The following NEXMIF variants were observed in gnomAD, a reference collection of about 807,000 sequenced individuals.
NEXMIF encodes the protein neurite extension and migration factor, also known as XLMR protein related to neurite extension.
Under a neutral mutation model 62.1 loss-of-function variants are expected in NEXMIF, and 8 were observed. The observed-to-expected ratio is 0.13, with a 90% CI of 0.08 to 0.23. The LOEUF (loss-of-function observed/expected upper bound fraction) is 0.23, where lower values mean the gene tolerates loss of function less well. NEXMIF is among the 10% of genes least tolerant of loss of function. NEXMIF has a pLI of 1.00. For missense variants in NEXMIF, 976 were observed against 1,113.3 expected, an observed-to-expected ratio of 0.88 and a Z score of 1.75; for synonymous variants, 404 against 416.6, an observed-to-expected ratio of 0.97 and a Z score of 0.37.
chrX:74,764,808 TC>T (rs1409688855), intron 1 of NEXMIF, among the ~76,000 whole-genome samples: 1 of 111,659 alleles, frequency 9.0e-6, no homozygotes, highest in East Asian at 2.8e-4. Context: ...TGATTTTGGT[TC>T]TTTTGCCTTT....
intron 1 of NEXMIF, among the ~76,000 whole-genome samples, chrX:74,910,202 G>A (rs1345238148): frequency 1.8e-5 from 2 of 112,407 alleles, no homozygotes; most frequent in Non-Finnish European, 3.8e-5. Context: ...CTCAGTGCCA[G>A]CCTGTGAAAG....
chrX:74,742,415 C>T lies in NEXMIF; in HGVS notation c.2142G>A (p.Arg714=). The T allele has an allele frequency of 8.3e-7, 1 of 1,211,256 alleles. No individual in the cohort carries two copies. Among genetic ancestry groups the T allele is most frequent in the Non-Finnish European group, 1.1e-6 (1 of 895,390 alleles). The change falls in exon 3 of 4, where the codon AGG becomes AGA. Residue 714 remains arginine (R), a synonymous_variant. Transcript: ENST00000055682. ...AQDTEFKGPE[R]KVLNKIKFKS... is the part of the protein sequence containing the mutation. ...TAAATTTGATTTTATTGAGCACTTT[C>T]CTCTCTGGCCCCTTAAACTCTGTGT...
At chrX:74,799,800 A>T (rs1390009816) in intron 1 of NEXMIF, among the ~76,000 whole-genome samples, 2 of 111,776 alleles carry the variant, frequency 1.8e-5, no homozygotes, top group Non-Finnish European at 3.8e-5. Flanking sequence ...CCATCCAGGA[A>T]CATTATACAT....
At chrX:74,880,794 T>C (rs957286172) in intron 1 of NEXMIF, among the ~76,000 whole-genome samples, 2 of 112,093 alleles carry the variant, frequency 1.8e-5, no homozygotes, top group Non-Finnish European at 3.8e-5. Context: ...TGCTCAGACA[T>C]TCCTTCTGCA....
intron 1 of NEXMIF, among the ~76,000 whole-genome samples, chrX:74,881,372 A>T (rs189808794): frequency 6.1e-4 from 48 of 79,167 alleles, no homozygotes; most frequent in African/African-American, 2.3e-3. Context: ...AAATTCCAAC[A>T]CACACACACA....
intron 1 of NEXMIF, among the ~76,000 whole-genome samples, chrX:74,881,562 G>A (rs953474831): frequency 1.2e-5 from 1 of 81,157 alleles, no homozygotes; most frequent in Admixed American, 1.5e-4. Context: ...TATGTGTGGT[G>A]TAGGGAAGAG....
At chrX:74,769,570 GA>G in intron 1 of NEXMIF, 1 of 432,563 alleles carries the variant, frequency 2.3e-6, no homozygotes. Flanking sequence ...CCAGCGCTGA[GA>G]AACCGACCAA....
At chrX:74,846,466 C>G (rs1480454468) in intron 1 of NEXMIF, among the ~76,000 whole-genome samples, 1 of 111,870 alleles carries the variant, frequency 8.9e-6, no homozygotes, top group African/African-American at 3.2e-5. Flanking sequence ...CCACTTATTT[C>G]TCCCTTATCA....
At chrX:74,920,026 T>C (rs1415289475) in intron 1 of NEXMIF, among the ~76,000 whole-genome samples, 1 of 112,120 alleles carries the variant, frequency 8.9e-6, no homozygotes, top group Non-Finnish European at 1.9e-5. Context: ...AGTCTATCAT[T>C]GTTGGACGTT....
intron 1 of NEXMIF, among the ~76,000 whole-genome samples, chrX:74,916,317 C>G (rs892338804): frequency 9.0e-6 from 1 of 111,670 alleles, no homozygotes; most frequent in Non-Finnish European, 1.9e-5. Flanking sequence ...TTGTCTCAAC[C>G]CAGCTAGAGA....
intron 1 of NEXMIF, among the ~76,000 whole-genome samples, chrX:74,817,103 A>G (rs2080378420): frequency 1.8e-5 from 2 of 109,503 alleles, no homozygotes; most frequent in Admixed American, 9.8e-5. Context: ...AGAGATTCAG[A>G]TTTTTTTTTT....
intron 1 of NEXMIF, among the ~76,000 whole-genome samples, chrX:74,806,000 T>C (rs191315105): frequency 2.3e-3 from 257 of 111,488 alleles, no homozygotes; most frequent in Non-Finnish European, 3.9e-3. Context: ...CCATTTTTCA[T>C]TGGGCTGTGT....
intron 1 of NEXMIF, among the ~76,000 whole-genome samples, chrX:74,817,118 A>G (rs1424462022): frequency 1.8e-5 from 2 of 112,065 alleles, no homozygotes; most frequent in Non-Finnish European, 3.8e-5. Flanking sequence ...TTTTTTAAGT[A>G]AGGCTTCTAA....
At chrX:74,777,922 T>C (rs1347828918) in intron 1 of NEXMIF, among the ~76,000 whole-genome samples, 1 of 111,739 alleles carries the variant, frequency 8.9e-6, no homozygotes, top group East Asian at 2.8e-4. Context: ...TTGACCGAGA[T>C]AGACTGCCTG....
At chrX:74,851,160 CCAGT>C (rs1040952553) in intron 1 of NEXMIF, among the ~76,000 whole-genome samples, 15 of 110,126 alleles carry the variant, frequency 1.4e-4, no homozygotes, top group East Asian at 2.9e-4. Context: ...TTGAAATCAC[CCAGT>C]CAGTCAAATT....
intron 1 of NEXMIF, among the ~76,000 whole-genome samples, chrX:74,848,870 T>C (rs2080503271): frequency 8.9e-6 from 1 of 111,847 alleles, no homozygotes; most frequent in Non-Finnish European, 1.9e-5. Flanking sequence ...TCTCATTTCT[T>C]CCACCACATG....
intron 1 of NEXMIF, among the ~76,000 whole-genome samples, chrX:74,770,394 A>G (rs755267864): frequency 8.9e-6 from 1 of 112,333 alleles, no homozygotes; most frequent in East Asian, 2.8e-4. Flanking sequence ...GGTAGAAAGC[A>G]TTACAAAATT....
At position 74,742,093 on chromosome X, in the gene NEXMIF, A is replaced by C; in HGVS notation, c.2464T>G (p.Ser822Ala). Residue 822 changes from serine to alanine, a missense_variant, in exon 3 of 4, where the codon TCT becomes GCT. Ser to Ala is a moderately conservative substitution (Grantham distance 99). Coordinates refer to ENST00000055682, the MANE Select transcript of NEXMIF (RefSeq NM_001008537.3). ...GGYLQTLLDA[S>A]DLSNNTSISY... ...ATACTAGTGTTATTTGACAAGTCAG[A>C]AGCATCTAACAATGTCTGCAGATAC... 8.3e-7 allele frequency: 1 copy of C among 1,210,955 alleles called. No homozygotes were observed. Among genetic ancestry groups the C allele is most frequent in the Non-Finnish European group, 1.1e-6 (1 of 894,708 alleles).
At chrX:74,837,336 G>T (rs1047523761) in intron 1 of NEXMIF, among the ~76,000 whole-genome samples, 1 of 111,691 alleles carries the variant, frequency 9.0e-6, no homozygotes, top group Non-Finnish European at 1.9e-5. Flanking sequence ...GTTCCTGTGG[G>T]GAGTACTAAC....
Sources: allele counts gnomAD v4.1 joint callset (sites outside exome capture counted in the v4.1 genomes callset), GRCh38; gene constraint gnomAD v4.1.1; transcripts MANE v1.5; gene names NCBI Gene and HGNC (gene_info 2026-07-23, HGNC 2026-07-21).